The following PRKAG2 variants were observed in gnomAD, a reference collection of about 807,000 sequenced individuals.
PRKAG2 encodes the protein protein kinase AMP-activated non-catalytic subunit gamma 2, also known as 5'-AMP-activated protein kinase subunit gamma-2.
In PRKAG2, 26 loss-of-function variants were observed where a neutral mutation model predicts 69.6. The ratio of observed to expected loss-of-function variants is 0.37; its 90% CI spans 0.27 to 0.52. PRKAG2 has a LOEUF of 0.52. PRKAG2 is among the 20% of genes least tolerant of loss of function. PRKAG2 has a pLI of 0.90. For synonymous variants in PRKAG2, 293 were observed against 285.0 expected (o/e 1.03, Z -0.28); for missense variants, 557 against 740.0 (o/e 0.75, Z 2.87).
intron 3 of PRKAG2, among the ~76,000 whole-genome samples, chr7:151,776,762 G>A (rs1294556402): frequency 6.6e-6 from 1 of 152,246 alleles, no homozygotes; most frequent in African/African-American, 2.4e-5. Flanking sequence ...GGAAGCAGCA[G>A]TTTTAAGTTT....
chr7:151,674,107 T>A (rs990163250), intron 4 of PRKAG2, among the ~76,000 whole-genome samples: 2 of 152,194 alleles, frequency 1.3e-5, no homozygotes, highest in Non-Finnish European at 2.9e-5. Context: ...CCTTCCAAAG[T>A]GCTGGGTTTA....
At chr7:151,871,825 C>T (rs896259505) in intron 1 of PRKAG2, among the ~76,000 whole-genome samples, 1 of 152,064 alleles carries the variant, frequency 6.6e-6, no homozygotes, top group African/African-American at 2.4e-5. Context: ...CCCTAGGCCA[C>T]GGTTCTGTTT....
At chr7:151,797,932 T>A (rs1045091425) in intron 1 of PRKAG2, among the ~76,000 whole-genome samples, 3 of 152,242 alleles carry the variant, frequency 2.0e-5, no homozygotes, top group African/African-American at 7.2e-5. Flanking sequence ...ACAATAAGAA[T>A]GTATCTCATG....
At position 151,625,308 on chromosome 7, in the gene PRKAG2, G is replaced by A. The variant is rs923534585; in HGVS notation, c.754+6761C>T. 2.0e-5 allele frequency among the ~76,000 whole-genome samples: 3 copies of A among 152,250 alleles called. No homozygotes were observed. The South Asian group carries it at 6.2e-4, about 32-fold the overall frequency. On this transcript the variant is annotated intron_variant, in intron 5 of 15. Coordinates refer to ENST00000287878, the MANE Select transcript of PRKAG2 (RefSeq NM_016203.4). The stretch of plus-strand genomic sequence containing the variant: ...AGCAGGAGCTGTCTGTGTAAAGTCT[G>A]GCAGGCCTGGAGGAGCAAGGCAGTT...
chr7:151,693,809 A>G (rs1782277070), intron 3 of PRKAG2, among the ~76,000 whole-genome samples: 1 of 152,216 alleles, frequency 6.6e-6, no homozygotes, highest in African/African-American at 2.4e-5. Context: ...TCCTCAGCAG[A>G]CACAGAATCT....
intron 3 of PRKAG2, among the ~76,000 whole-genome samples, chr7:151,713,460 T>C (rs1369330098): frequency 1.3e-5 from 2 of 152,180 alleles, no homozygotes; most frequent in East Asian, 1.9e-4. Flanking sequence ...CTTTTTTTAC[T>C]TTTTTAGTAT....
At chr7:151,642,169 G>C (rs1826837322) in intron 4 of PRKAG2, among the ~76,000 whole-genome samples, 2 of 150,786 alleles carry the variant, frequency 1.3e-5, no homozygotes, top group South Asian at 4.2e-4. Context: ...CACTGTCTCT[G>C]CTAAAAATAC....
At chr7:151,790,755 C>T (rs2077238761) in intron 1 of PRKAG2, 2 of 152,282 alleles carry the variant, frequency 1.3e-5, no homozygotes, top group South Asian at 4.1e-4. Flanking sequence ...TACCCTCTAA[C>T]ATTTGTTCAG....
intron 3 of PRKAG2, among the ~76,000 whole-genome samples, chr7:151,697,832 C>A (rs1254139191): frequency 6.6e-6 from 1 of 152,138 alleles, no homozygotes; most frequent in African/African-American, 2.4e-5. Flanking sequence ...CACCCAGTGG[C>A]TCAAGGCTGC....
At chr7:151,588,379 T>A (rs546201572) in intron 6 of PRKAG2, among the ~76,000 whole-genome samples, 1 of 151,882 alleles carries the variant, frequency 6.6e-6, no homozygotes. Flanking sequence ...TTTTTTTTTT[T>A]AAGACAGATT....
At chr7:151,590,472 A>T (rs1812790847) in intron 6 of PRKAG2, among the ~76,000 whole-genome samples, 1 of 152,250 alleles carries the variant, frequency 6.6e-6, no homozygotes, top group Non-Finnish European at 1.5e-5. Context: ...ACAGAGGGAC[A>T]TCTGACTGGA....
intron 3 of PRKAG2, among the ~76,000 whole-genome samples, chr7:151,720,428 G>A (rs1796863665): frequency 6.6e-6 from 1 of 151,762 alleles, no homozygotes; most frequent in Non-Finnish European, 1.5e-5. Context: ...CGGTCTATAG[G>A]CAATTAAATC....
At chr7:151,876,013 C>G (rs1208911301) in intron 1 of PRKAG2, among the ~76,000 whole-genome samples, 1 of 151,376 alleles carries the variant, frequency 6.6e-6, no homozygotes, top group African/African-American at 2.4e-5. Flanking sequence ...CATTGGAAGA[C>G]GCAGCTACAC....
At chr7:151,565,067 C>T (rs1029116125) in intron 13 of PRKAG2, among the ~76,000 whole-genome samples, 6 of 152,078 alleles carry the variant, frequency 3.9e-5, no homozygotes, top group Non-Finnish European at 7.4e-5. Context: ...GAAACAAGAA[C>T]ATTTAAAATA....
intron 4 of PRKAG2, among the ~76,000 whole-genome samples, chr7:151,653,659 T>A (rs1238104555): frequency 2.0e-5 from 3 of 152,192 alleles, no homozygotes; most frequent in African/African-American, 7.2e-5. Context: ...CTGGCCAGCA[T>A]GGTGAAACCA....
intron 3 of PRKAG2, among the ~76,000 whole-genome samples, chr7:151,708,962 C>T (rs1839077526): frequency 6.6e-6 from 1 of 152,204 alleles, no homozygotes; most frequent in Non-Finnish European, 1.5e-5. Context: ...CTACCTAGTT[C>T]TGTGAGAATA....
intron 3 of PRKAG2, among the ~76,000 whole-genome samples, chr7:151,764,753 T>G (rs1274313529): frequency 1.3e-5 from 2 of 152,102 alleles, no homozygotes. Flanking sequence ...AGTGTCAGGA[T>G]GGTCAGGGTT....
chr7:151,568,721 G>T lies in PRKAG2; in HGVS notation c.1228C>A (p.Leu410Ile). 6.2e-7 allele frequency: 1 copy of T among 1,613,722 alleles called. No homozygotes were observed. The highest frequency in any genetic ancestry group is 8.5e-7 in the Non-Finnish European group (1 of 1,179,712). Residue 410 changes from leucine to isoleucine, a missense_variant, in exon 11 of 16, where the codon CTT (leucine) becomes ATT (isoleucine). Around this residue, in one of 2 missense-constraint regions of PRKAG2, gnomAD observed 205 missense variants for 383.4 expected, o/e 0.53. Coordinates refer to ENST00000287878, the MANE Select transcript of PRKAG2 (RefSeq NM_016203.4). ...THKRILKFLQ[L>I]FMSDMPKPAF... is the part of the protein sequence containing the mutation. ...AAACGCTAAAAACTACTTACAAAAAGCTGGAGGAACTTGAGGATTCTTTTG... is the reference window on the plus strand; with the variant it reads ...AAACGCTAAAAACTACTTACAAAAATCTGGAGGAACTTGAGGATTCTTTTG...
Position 151,601,118 on chromosome 7 carries a change from T to C in PRKAG2, c.755-5664A>G, listed in dbSNP as rs372414903. On this transcript the variant is annotated intron_variant, in intron 5 of 15. Transcript: ENST00000287878. ...GAGGACCCCTGTGTCCTGGGCCCTG[T>C]CCTGGGGTTACCCACAGGGGGACAC... Among the ~76,000 whole-genome samples, 141 of 152,266 alleles carry C rather than the reference T, an allele frequency of 9.3e-4. 4 individuals are homozygous for C. The East Asian group carries it at 0.023, about 25-fold the overall frequency.
Sources: gnomAD v4.1 joint callset for allele counts (sites outside exome capture counted in the v4.1 genomes callset) on GRCh38, gnomAD v4.1.1 for gene constraint, gnomAD v4.1.1 regional missense constraint, MANE v1.5 for transcripts, NCBI Gene and HGNC (gene_info 2026-07-23, HGNC 2026-07-21) for gene names.